The following CTNNA3 variants were observed in gnomAD, a reference collection of about 807,000 sequenced individuals.
CTNNA3 encodes catenin alpha-3.
A neutral mutation model predicts 95.7 loss-of-function variants in CTNNA3; 76 were observed. The ratio of observed to expected loss-of-function variants is 0.79; its 90% CI spans 0.66 to 0.96. CTNNA3 has a LOEUF of 0.96. Ranked by LOEUF, CTNNA3 falls within the 40% of genes least tolerant of loss-of-function variation. The pLI is 0.00. For synonymous variants in CTNNA3, 431 were observed against 374.4 expected, an observed-to-expected ratio of 1.15 and a Z score of -1.74; for missense variants, 1,191 against 1,089.8, an observed-to-expected ratio of 1.09 and a Z score of -1.31.
chr10:67,154,816 C>A (rs1237250598), intron 7 of CTNNA3, among the ~76,000 whole-genome samples: 4 of 152,200 alleles, frequency 2.6e-5, no homozygotes, highest in African/African-American at 9.6e-5. Flanking sequence ...AATCTCTGAA[C>A]TGAAGCCACT....
chr10:67,255,530 C>CTAT lies in CTNNA3; in HGVS notation c.580-35663_580-35661dup, dbSNP rs1218619102. 3.0e-3 allele frequency among the ~76,000 whole-genome samples: 450 copies of CTAT among 152,278 alleles called. 6 individuals are homozygous for CTAT. Among genetic ancestry groups the CTAT allele is most frequent in the African/African-American group, 0.01 (425 of 41,556 alleles). On this transcript the variant is annotated intron_variant, in intron 5 of 17. Transcript: ENST00000433211. Reference sequence around the variant, plus strand: ...TAGTGCTTATTACTGGTGCTTACTGCTATACCCGCTTTATAGCTATTAAAT... The same window carrying CTAT: ...TAGTGCTTATTACTGGTGCTTACTGCTATTATACCCGCTTTATAGCTATTAAAT...
At chr10:67,726,617 TAA>T (rs1263129798) in intron 1 of CTNNA3, among the ~76,000 whole-genome samples, 1 of 20,328 alleles carries the variant, frequency 4.9e-5, no homozygotes, top group African/African-American at 1.7e-4. Flanking sequence ...ATATAATATA[TAA>T]TATATATTAT....
intron 7 of CTNNA3, among the ~76,000 whole-genome samples, chr10:67,114,962 G>A (rs1859097700): frequency 6.6e-6 from 1 of 152,006 alleles, no homozygotes; most frequent in South Asian, 2.1e-4. Flanking sequence ...TTTAAATTTG[G>A]ATACCCCAGA....
At chr10:66,370,200 A>G (rs1213921687) in intron 12 of CTNNA3, among the ~76,000 whole-genome samples, 1 of 152,160 alleles carries the variant, frequency 6.6e-6, no homozygotes, top group Admixed American at 6.6e-5. Flanking sequence ...TGAGTATATA[A>G]AAGTTTTATC....
chr10:67,018,710 T>C, intron 7 of CTNNA3, among the ~76,000 whole-genome samples: 1 of 152,186 alleles, frequency 6.6e-6, no homozygotes, highest in Admixed American at 6.5e-5. Context: ...AGTTTCCTCA[T>C]ATGCAAAATG....
chr10:67,189,354 A>C (rs971482655), intron 6 of CTNNA3, among the ~76,000 whole-genome samples: 27 of 152,096 alleles, frequency 1.8e-4, no homozygotes, highest in Admixed American at 1.8e-3. Flanking sequence ...GCTGGTCAAA[A>C]GATTCAAAAT....
chr10:66,868,979 T>C (rs953140869), intron 7 of CTNNA3, among the ~76,000 whole-genome samples: 4 of 152,134 alleles, frequency 2.6e-5, no homozygotes, highest in Middle Eastern at 3.4e-3. Context: ...AGAGACAAAA[T>C]GTAAATTCAC....
intron 7 of CTNNA3, among the ~76,000 whole-genome samples, chr10:66,867,120 ATC>A (rs1844211557): frequency 6.6e-6 from 1 of 152,154 alleles, no homozygotes; most frequent in African/African-American, 2.4e-5. Flanking sequence ...TCCATTAAAC[ATC>A]TTTTTCTTTA....
intron 5 of CTNNA3, among the ~76,000 whole-genome samples, chr10:67,519,355 T>C (rs1839913934): frequency 1.3e-5 from 2 of 152,156 alleles, no homozygotes; most frequent in South Asian, 4.1e-4. Flanking sequence ...GAGTTAACAC[T>C]GGCATTTTCT....
intron 11 of CTNNA3, among the ~76,000 whole-genome samples, chr10:66,445,444 G>A (rs1589261316): frequency 6.6e-6 from 1 of 151,994 alleles, no homozygotes; most frequent in Non-Finnish European, 1.5e-5. Context: ...CTCAGCAAAT[G>A]TAAAAGAACA....
intron 5 of CTNNA3, among the ~76,000 whole-genome samples, chr10:67,292,171 T>C (rs1388582735): frequency 2.0e-5 from 3 of 152,154 alleles, no homozygotes; most frequent in Non-Finnish European, 4.4e-5. Context: ...GTCAGTTAGA[T>C]AATTTCTTTA....
chr10:67,724,312 G>A (rs187415982), intron 1 of CTNNA3, among the ~76,000 whole-genome samples: 5 of 152,124 alleles, frequency 3.3e-5, no homozygotes. Context: ...GGAAATGAGG[G>A]TCTATTTTTG....
chr10:66,526,956 T>C (rs1564512792), intron 10 of CTNNA3, among the ~76,000 whole-genome samples: 2 of 151,602 alleles, frequency 1.3e-5, no homozygotes, highest in Admixed American at 1.3e-4. Flanking sequence ...TGAAGTCCAA[T>C]TTTTTTTTCC....
intron 9 of CTNNA3, among the ~76,000 whole-genome samples, chr10:66,688,756 G>C (rs1847396943): frequency 2.0e-5 from 3 of 152,058 alleles, no homozygotes; most frequent in Admixed American, 2.0e-4. Flanking sequence ...TGGATCACGA[G>C]GTCAGGAGAT....
chr10:66,852,212 T>C (rs1843524219), intron 7 of CTNNA3, among the ~76,000 whole-genome samples: 1 of 152,224 alleles, frequency 6.6e-6, no homozygotes, highest in African/African-American at 2.4e-5. Context: ...AGGTACCTTC[T>C]ACTATTTCTT....
At chr10:66,549,930 G>A (rs927224059) in intron 10 of CTNNA3, among the ~76,000 whole-genome samples, 1 of 152,148 alleles carries the variant, frequency 6.6e-6, no homozygotes, top group Non-Finnish European at 1.5e-5. Context: ...GTGCAAGAAT[G>A]TATATTTTCC....
At chr10:66,419,231 A>G (rs1300213658) in intron 11 of CTNNA3, among the ~76,000 whole-genome samples, 2 of 152,102 alleles carry the variant, frequency 1.3e-5, no homozygotes, top group African/African-American at 4.8e-5. Flanking sequence ...ACCAATAATG[A>G]AATAGCAAAA....
chr10:66,436,110 T>C (rs2093335771), intron 11 of CTNNA3, among the ~76,000 whole-genome samples: 1 of 152,210 alleles, frequency 6.6e-6, no homozygotes, highest in South Asian at 2.1e-4. Flanking sequence ...TGGTCAATTT[T>C]AGAATAAGTA....
chr10:67,576,525 T>G (rs1397934847), intron 3 of CTNNA3, among the ~76,000 whole-genome samples: 4 of 151,642 alleles, frequency 2.6e-5, no homozygotes, highest in Non-Finnish European at 5.9e-5. Flanking sequence ...GAGTGTTCTC[T>G]TGCATTCAGA....
Sources: allele counts gnomAD v4.1 joint callset (sites outside exome capture counted in the v4.1 genomes callset), GRCh38; gene constraint gnomAD v4.1.1; transcripts MANE v1.5; gene names NCBI Gene and HGNC (gene_info 2026-07-23, HGNC 2026-07-21).